Variants in NEK1 observed in about 807,000 individuals in gnomAD.
NEK1 encodes the protein serine/threonine-protein kinase Nek1.
A neutral mutation model predicts 182.1 loss-of-function variants in NEK1; 137 were observed. The observed-to-expected ratio is 0.75, with a 90% confidence interval of 0.65 to 0.87. The LOEUF (loss-of-function observed/expected upper bound fraction) is 0.87. Ranked by LOEUF, NEK1 falls within the 40% of genes least tolerant of loss-of-function variation. The pLI, the probability that NEK1 is intolerant of heterozygous loss-of-function variation, is 0.00. For missense variants in NEK1, 1,391 were observed against 1,494.4 expected, an observed-to-expected ratio of 0.93 and a Z score of 1.14; for synonymous variants, 513 against 492.2, an observed-to-expected ratio of 1.04 and a Z score of -0.56.
At chr4:169,602,440 A>G (rs904520283) in intron 3 of NEK1, 74 bp downstream of exon 3, 2 of 741,438 alleles carry the variant, frequency 2.7e-6, no homozygotes, top group Non-Finnish European at 4.4e-6. Context: ...TTTTTTTTTT[A>G]AAGAAAATCT....
chr4:169,526,897 T>C (rs1021010439), intron 19 of NEK1, among the ~76,000 whole-genome samples: 6 of 152,178 alleles, frequency 3.9e-5, no homozygotes, highest in Admixed American at 6.5e-5. Flanking sequence ...TGGAAAAATA[T>C]TTGAAGAAAT....
intron 27 of NEK1, among the ~76,000 whole-genome samples, chr4:169,456,510 A>T (rs1045347207): frequency 2.6e-5 from 4 of 152,174 alleles, no homozygotes; most frequent in Non-Finnish European, 4.4e-5. Flanking sequence ...AAAATCAGAG[A>T]TGAAAAAGGA....
intron 2 of NEK1, among the ~76,000 whole-genome samples, chr4:169,608,463 G>C (rs1771763228): frequency 6.6e-6 from 1 of 152,120 alleles, no homozygotes. Context: ...TGAAATGTAA[G>C]AAATAAAAGC....
chr4:169,562,465 T>C (rs1161384366), intron 12 of NEK1, among the ~76,000 whole-genome samples: 1 of 152,086 alleles, frequency 6.6e-6, no homozygotes, highest in African/African-American at 2.4e-5. Context: ...GTTTAAGTTT[T>C]CCAATATTAT....
intron 26 of NEK1, among the ~76,000 whole-genome samples, chr4:169,464,691 T>A (rs1345802119): frequency 6.6e-6 from 1 of 152,008 alleles, no homozygotes; most frequent in Non-Finnish European, 1.5e-5. Context: ...TTGGGGGGAA[T>A]ATAAAAATAG....
intron 27 of NEK1, among the ~76,000 whole-genome samples, chr4:169,445,389 T>G (rs1740310624): frequency 1.3e-5 from 2 of 151,992 alleles, no homozygotes; most frequent in African/African-American, 4.8e-5. Context: ...TGCACTACTG[T>G]ACTCCAACAT....
chr4:169,506,188 C>A (rs943306587), intron 23 of NEK1, among the ~76,000 whole-genome samples: 1 of 151,118 alleles, frequency 6.6e-6, no homozygotes, highest in Admixed American at 6.6e-5. Context: ...AGGGGAAATG[C>A]GGAAAGAATT....
At chr4:169,402,798 A>G (rs1731912686) in intron 32 of NEK1, among the ~76,000 whole-genome samples, 1 of 152,188 alleles carries the variant, frequency 6.6e-6, no homozygotes, top group Admixed American at 6.5e-5. Context: ...CACTTCTGTA[A>G]TATCTGAGAA....
chr4:169,478,624 A>C (rs1747415098), intron 24 of NEK1, among the ~76,000 whole-genome samples: 1 of 152,154 alleles, frequency 6.6e-6, no homozygotes, highest in African/African-American at 2.4e-5. Flanking sequence ...ATAAAAAAAA[A>C]CAGCTAGTGT....
intron 19 of NEK1, among the ~76,000 whole-genome samples, chr4:169,531,149 A>G (rs1351636826): frequency 1.3e-5 from 2 of 152,040 alleles, no homozygotes; most frequent in Non-Finnish European, 2.9e-5. Flanking sequence ...GGGTAAATCA[A>G]GAGAATGTGG....
At chr4:169,598,665 GA>G (rs1388458693) in intron 5 of NEK1, among the ~76,000 whole-genome samples, 1 of 152,120 alleles carries the variant, frequency 6.6e-6, no homozygotes, top group Admixed American at 6.6e-5. Context: ...CTTAGGTAGG[GA>G]ACGGCCATAT....
chr4:169,507,178 CAG>C, intron 22 of NEK1, 46 bp from the exon 23 acceptor site: 1 of 903,484 alleles, frequency 1.1e-6, no homozygotes, highest in Non-Finnish European at 1.6e-6. Context: ...GAAAGAAGGG[CAG>C]AGGTTTTTTT....
At chr4:169,591,146 C>A (rs956419648) in intron 5 of NEK1, among the ~76,000 whole-genome samples, 15 of 144,538 alleles carry the variant, frequency 1.0e-4, no homozygotes, top group African/African-American at 2.2e-4. Context: ...TCTATAACGC[C>A]CCCCCCCCAC....
chr4:169,567,648 C>T (rs1763934813), intron 12 of NEK1, among the ~76,000 whole-genome samples: 1 of 152,206 alleles, frequency 6.6e-6, no homozygotes, highest in Admixed American at 6.5e-5. Context: ...CCTGCCTCGG[C>T]CTCCCAAAGT....
chr4:169,528,426 G>C lies in NEK1; in HGVS notation c.1665+9383C>G, dbSNP rs370342952. On this transcript the variant is annotated intron_variant, in intron 19 of 35. Transcript: ENST00000507142. ...GGACCCTTGTTCATTAAGCCACGAG[G>C]AAATAAATTCTCTCACTAACATGAA... 3.9e-5 allele frequency among the ~76,000 whole-genome samples: 6 copies of C among 152,242 alleles called. No homozygotes were observed. The South Asian group carries it at 1.0e-3, about 26-fold the overall frequency.
At chr4:169,416,767 T>C (rs1179103220) in intron 31 of NEK1, among the ~76,000 whole-genome samples, 3 of 152,060 alleles carry the variant, frequency 2.0e-5, no homozygotes, top group East Asian at 1.9e-4. Flanking sequence ...TAGCCAGATA[T>C]GGTGAAGCAT....
At chr4:169,399,565 C>CT (rs1205287346) in intron 35 of NEK1, among the ~76,000 whole-genome samples, 2 of 109,352 alleles carry the variant, frequency 1.8e-5, no homozygotes, top group African/African-American at 3.4e-5. Flanking sequence ...CAATAAGACT[C>CT]TGTCTCAAAA....
Position 169,400,243 on chromosome 4 carries a change from C to T in NEK1, c.3829G>A (p.Asp1277Asn), listed in dbSNP as rs1343363234. The T allele has an allele frequency of 1.3e-6, 2 of 1,579,972 alleles. No individual in the cohort carries two copies. The highest frequency in any genetic ancestry group is 3.6e-5 in the Admixed American group (2 of 55,938). Residue 1277 changes from aspartate to asparagine, a missense_variant, in exon 35 of 36, where the codon GAT becomes AAT. Asp to Asn is a conservative substitution (Grantham distance 23, BLOSUM62 1). Around this residue, in one of 5 missense-constraint regions of NEK1, gnomAD observed 1,216 missense variants for 1,277.6 expected, o/e 0.95. Coordinates refer to ENST00000507142, the MANE Select transcript of NEK1 (RefSeq NM_001199397.3). The stretch of plus-strand genomic sequence containing the variant: ...ATCTTACCTTCTTGGTAGGCTCCAT[C>T]TGCCATGACTAAATGAAGAATCTTG... ...YAKILHLVMA[D>N]GAYQEDNDE
chr4:169,446,030 G>C (rs1740490957), intron 27 of NEK1, among the ~76,000 whole-genome samples: 1 of 151,796 alleles, frequency 6.6e-6, no homozygotes, highest in Non-Finnish European at 1.5e-5. Flanking sequence ...TAAAAAAATT[G>C]ATCTCATGGA....
Sources: gnomAD v4.1 joint callset for allele counts (sites outside exome capture counted in the v4.1 genomes callset) on GRCh38, gnomAD v4.1.1 for gene constraint, gnomAD v4.1.1 regional missense constraint, MANE v1.5 for transcripts, NCBI Gene and HGNC (gene_info 2026-07-23, HGNC 2026-07-21) for gene names.